The following WNT5A variants were observed in gnomAD, a reference collection of about 807,000 sequenced individuals.
The protein encoded by WNT5A is Wnt family member 5A.
A neutral mutation model predicts 42.1 loss-of-function variants in WNT5A; 9 were observed. The observed-to-expected ratio is 0.21, with a 90% CI of 0.13 to 0.37. The LOEUF (loss-of-function observed/expected upper bound fraction) is 0.37. WNT5A is among the 10% of genes least tolerant of loss of function. The pLI is 1.00. For synonymous variants in WNT5A, 210 were observed against 210.0 expected (o/e 1.00, Z 0.00); for missense variants, 426 against 534.0 (o/e 0.80, Z 1.99).
chr3:55,469,236 A>G lies in WNT5A; in HGVS notation c.*856T>C, dbSNP rs2051200691. ...AACCAAGTATCCCTAAGAAAATAAC[A>G]GGATATTTTCATTTATGTTCAAGCC... On this transcript the variant is annotated 3_prime_UTR_variant, in exon 5 of 5. Coordinates refer to ENST00000264634, the MANE Select transcript of WNT5A (RefSeq NM_003392.7). 1 of 152,154 alleles carries G rather than the reference A, an allele frequency of 6.6e-6. No individual in the cohort carries two copies. Among genetic ancestry groups the G allele is most frequent in the Non-Finnish European group, 1.5e-5 (1 of 68,034 alleles). The allele number at this position is 152,154 out of a possible 1,614,324, so 9.4% of individuals were successfully genotyped here.
At position 55,481,316 on chromosome 3, in the gene WNT5A, C is replaced by A. The variant is rs2051457476; in HGVS notation, c.7-398G>T. On this transcript the variant is annotated intron_variant, in intron 1 of 4. Transcript: ENST00000264634. ...TCAGGAACCCGCTGCGGCCACCCTC[C>A]GTCCTCTCCCCAACCTGGGCCGAGC... 11 of 989,102 alleles carry A rather than the reference C, an allele frequency of 1.1e-5. No individual in the cohort carries two copies. In the South Asian group the frequency reaches 2.3e-4, roughly 21 times the overall value. 61.3% of individuals were successfully genotyped at this position (989,102 alleles called of 1,614,324 possible).
upstream of WNT5A, chr3:55,487,729 A>G (rs1027091599): frequency 6.6e-6 from 1 of 152,372 alleles, no homozygotes; most frequent in Non-Finnish European, 1.5e-5. Context: ...TCAGGCGCGC[A>G]TGGCTTTTTC....
At position 55,469,167 on chromosome 3, in the gene WNT5A, C is replaced by G. The variant is rs1340821466; in HGVS notation, c.*925G>C. 1 of 152,174 alleles carries G rather than the reference C, an allele frequency of 6.6e-6. No homozygotes were observed. Among genetic ancestry groups the G allele is most frequent in the African/African-American group, 2.4e-5 (1 of 41,440 alleles). The allele number at this position is 152,174 out of a possible 1,614,324, so 9.4% of individuals were successfully genotyped here. A position where few individuals can be genotyped will look rare whatever the true frequency, so the allele number is the denominator to read the frequency against. On this transcript the variant is annotated 3_prime_UTR_variant, in exon 5 of 5. Transcript: ENST00000264634. ...TTACCTTGTTGCTTGGGCTGAGAAC[C>G]TGTGAATGGGATTCATGTATTATTT...
At chr3:55,481,430 G>A in intron 1 of WNT5A, 2 of 985,170 alleles carry the variant, frequency 2.0e-6, no homozygotes, top group African/African-American at 1.7e-5. Flanking sequence ...AAGGAGGCGG[G>A]GTGGCCAGCG....
intron 3 of WNT5A, 137 bp downstream of exon 3, chr3:55,479,177 A>T (rs2051409360): frequency 1.1e-6 from 1 of 936,578 alleles, no homozygotes; most frequent in Non-Finnish European, 1.5e-6. Flanking sequence ...TGCTATAATG[A>T]CAAAAATGCC....
intron 4 of WNT5A, among the ~76,000 whole-genome samples, chr3:55,471,585 G>A (rs1349713970): frequency 2.6e-5 from 4 of 152,224 alleles, no homozygotes; most frequent in African/African-American, 9.6e-5. Flanking sequence ...TTTCTTTAGG[G>A]TAACAACGGA....
intron 1 of WNT5A, among the ~76,000 whole-genome samples, chr3:55,484,273 A>G (rs2051528924): frequency 6.6e-6 from 1 of 152,158 alleles, no homozygotes; most frequent in Non-Finnish European, 1.5e-5. Flanking sequence ...GAGAGCACTC[A>G]GTTGCAGCCA....
intron 4 of WNT5A, among the ~76,000 whole-genome samples, chr3:55,472,607 T>C (rs565812652): frequency 5.8e-4 from 89 of 152,176 alleles, no homozygotes; most frequent in African/African-American, 2.1e-3. Context: ...GCAGACACCA[T>C]GGCAGTGAGA....
rs2051501503 is a variant in WNT5A, at chr3:55,483,084, G to A, written c.7-2166C>T. 6.6e-6 allele frequency among the ~76,000 whole-genome samples: 1 copy of A among 152,154 alleles called. No homozygotes were observed. Among genetic ancestry groups the A allele is most frequent in the African/African-American group, 2.4e-5 (1 of 41,428 alleles). ...GATAACAGATTCGGCGGATTACAGC[G>A]GATCTCTTTGTTAGAGCCGAAGCCA... On this transcript the variant is annotated intron_variant, in intron 1 of 4. Coordinates refer to ENST00000264634, the MANE Select transcript of WNT5A (RefSeq NM_003392.7). The surrounding 1 kb of genome is among the most constrained non-coding windows in gnomAD (Gnocchi z 4.2).
At chr3:55,495,788 C>T in the WNT5A span, among the ~76,000 whole-genome samples, 1 of 152,148 alleles carries the variant, frequency 6.6e-6, no homozygotes, top group African/African-American at 2.4e-5. Flanking sequence ...TTCATAATGG[C>T]TGTATTAATT....
upstream of WNT5A, among the ~76,000 whole-genome samples, chr3:55,492,975 T>A (rs1337893131): frequency 2.0e-5 from 3 of 152,208 alleles, no homozygotes; most frequent in African/African-American, 7.2e-5. Flanking sequence ...AACGCCTGAT[T>A]CAAGCTCAGC....
Position 55,479,999 on chromosome 3 carries a change from A to G in WNT5A, c.141-435T>C, listed in dbSNP as rs565489924. ...CAATTAGATACGGGTAGGAGATAGC[A>G]GTTCCTTTTGACTGATGGAAGAACA... On this transcript the variant is annotated intron_variant, in intron 2 of 4. Coordinates refer to ENST00000264634, the MANE Select transcript of WNT5A (RefSeq NM_003392.7). Among the ~76,000 whole-genome samples, 4 of 152,188 alleles carry G rather than the reference A, an allele frequency of 2.6e-5. No individual in the cohort carries two copies. In the South Asian group the frequency reaches 6.2e-4, roughly 24 times the overall value.
At position 55,468,693 on chromosome 3, in the gene WNT5A, A is replaced by G. The variant is rs775328698; in HGVS notation, c.*1399T>C. The G allele has an allele frequency of 1.3e-5, 2 of 151,836 alleles. No individual in the cohort carries two copies. Among genetic ancestry groups the G allele is most frequent in the Non-Finnish European group, 2.9e-5 (2 of 67,888 alleles). The allele number at this position is 151,836 out of a possible 1,614,324, so 9.4% of individuals were successfully genotyped here. A position where few individuals can be genotyped will look rare whatever the true frequency, so the allele number is the denominator to read the frequency against. On this transcript the variant is annotated 3_prime_UTR_variant, in exon 5 of 5. Transcript: ENST00000264634. ...TATGTACAAAAGACTTTGAGATATC[A>G]GGCACCATTAAACCACATTTCCCCC...
the WNT5A span, among the ~76,000 whole-genome samples, chr3:55,498,128 C>T: frequency 6.6e-6 from 1 of 152,156 alleles, no homozygotes; most frequent in Non-Finnish European, 1.5e-5. Flanking sequence ...AGTGCAGACT[C>T]ATAATGGCAC....
At chr3:55,490,726 G>A (rs1366274496), upstream of WNT5A, among the ~76,000 whole-genome samples, 1 of 152,058 alleles carries the variant, frequency 6.6e-6, no homozygotes, top group Non-Finnish European at 1.5e-5. Flanking sequence ...CTCCTGTGGT[G>A]GTAAAACTGG....
At chr3:55,479,218 C>T in intron 3 of WNT5A, 96 bp downstream of exon 3, 1 of 1,359,884 alleles carries the variant, frequency 7.4e-7, no homozygotes. Context: ...AAGGCATCCT[C>T]CTTCATGCTT....
chr3:55,482,157 G>T (rs966341256), intron 1 of WNT5A, among the ~76,000 whole-genome samples: 1 of 152,192 alleles, frequency 6.6e-6, no homozygotes, highest in Non-Finnish European at 1.5e-5. Flanking sequence ...GGCCAGAGGC[G>T]CTGGCTTCCG....
chr3:55,479,062 A>T (rs1169643395), intron 3 of WNT5A: 1 of 322,352 alleles, frequency 3.1e-6, no homozygotes, highest in Non-Finnish European at 5.6e-6. Context: ...GCTTTATAGA[A>T]AAATTAAGTG....
chr3:55,472,539 C>T (rs2056349), intron 4 of WNT5A, among the ~76,000 whole-genome samples: 33,752 of 151,936 alleles, frequency 0.22, 3,897 homozygotes, highest in Non-Finnish European at 0.27. Context: ...GGGCTGACCC[C>T]ACCCCCCCCA....
Sources: gnomAD v4.1 joint callset for allele counts (sites outside exome capture counted in the v4.1 genomes callset) on GRCh38, gnomAD v4.1.1 for gene constraint, Gnocchi (gnomAD v3.1) non-coding constraint, MANE v1.5 for transcripts, NCBI Gene and HGNC (gene_info 2026-07-23, HGNC 2026-07-21) for gene names.